SLC4A4: variants seen among roughly 807,000 people sequenced by gnomAD.
SLC4A4 encodes the protein solute carrier family 4 member 4.
In SLC4A4, 27 loss-of-function variants were observed where a neutral mutation model predicts 111.5. The observed-to-expected ratio is 0.24, with a 90% CI of 0.18 to 0.33. The LOEUF is 0.33. SLC4A4 is among the 10% of genes least tolerant of loss of function. The pLI, the probability that SLC4A4 is intolerant of heterozygous loss-of-function variation, is 1.00. For missense variants in SLC4A4, 909 were observed against 1,315.5 expected (o/e 0.69, Z 4.78); for synonymous variants, 443 against 463.4 (o/e 0.96, Z 0.57).
At chr4:71,182,295 A>C (rs538475058), upstream of SLC4A4, among the ~76,000 whole-genome samples, 1 of 152,328 alleles carries the variant, frequency 6.6e-6, no homozygotes, top group South Asian at 2.1e-4. Flanking sequence ...TTCCCTAAGC[A>C]GAGGGGAAAA....
At chr4:71,470,228 A>T (rs1480307015) in intron 13 of SLC4A4, among the ~76,000 whole-genome samples, 1 of 152,018 alleles carries the variant, frequency 6.6e-6, no homozygotes, top group African/African-American at 2.4e-5. Flanking sequence ...AGGCATGCAT[A>T]GGATGAAAAC....
chr4:71,200,459 C>T (rs1222487838), intron 1 of SLC4A4, among the ~76,000 whole-genome samples: 1 of 152,130 alleles, frequency 6.6e-6, no homozygotes, highest in Non-Finnish European at 1.5e-5. Flanking sequence ...TGTTGGTATT[C>T]ATTATATAAT....
At chr4:71,114,595 T>A (rs1578493195) in intron 2 of SLC4A4, among the ~76,000 whole-genome samples, 1 of 150,858 alleles carries the variant, frequency 6.6e-6, no homozygotes, top group East Asian at 1.9e-4. Context: ...ATGCTCACCA[T>A]CACTGGCCAT....
At chr4:71,281,288 G>A (rs772593509) in intron 3 of SLC4A4, among the ~76,000 whole-genome samples, 2 of 152,168 alleles carry the variant, frequency 1.3e-5, no homozygotes, top group Non-Finnish European at 2.9e-5. Flanking sequence ...TGGGGTCTGA[G>A]TCCAACTTTG....
At chr4:71,469,971 T>G (rs1015403048) in intron 13 of SLC4A4, among the ~76,000 whole-genome samples, 3 of 152,048 alleles carry the variant, frequency 2.0e-5, no homozygotes, top group Non-Finnish European at 4.4e-5. Context: ...CTGTAAACAT[T>G]AAATCTATAA....
chr4:71,327,972 C>T (rs915776262), intron 3 of SLC4A4, among the ~76,000 whole-genome samples: 1 of 151,996 alleles, frequency 6.6e-6, no homozygotes, highest in Non-Finnish European at 1.5e-5. Context: ...CCCCACCCCA[C>T]CTGCTCCCAC....
chr4:71,264,043 T>C (rs1578706228), intron 3 of SLC4A4, among the ~76,000 whole-genome samples: 1 of 152,276 alleles, frequency 6.6e-6, no homozygotes, highest in East Asian at 1.9e-4. Flanking sequence ...TTACTGAATG[T>C]GTCACTGAGG....
At chr4:71,261,453 C>T (rs116354118) in intron 3 of SLC4A4, among the ~76,000 whole-genome samples, 118 of 152,280 alleles carry the variant, frequency 7.7e-4, no homozygotes, top group Non-Finnish European at 1.6e-3. Flanking sequence ...GACAAGTCAG[C>T]AATTTGGAGG....
At chr4:71,565,136 C>T (rs4260508) in intron 24 of SLC4A4, among the ~76,000 whole-genome samples, 138,302 of 151,888 alleles carry the variant, frequency 0.91, 64,079 homozygotes, top group Non-Finnish European at 0.99. Context: ...GTTTAAATAC[C>T]CTCTACTTGG....
In SLC4A4 at chr4:71,082,108, G is replaced by A. The variant is rs1325045725; in HGVS notation, c.-64-10622G>A. Among the ~76,000 whole-genome samples, 6 of 152,118 alleles carry A rather than the reference G, an allele frequency of 3.9e-5. No homozygotes were observed. The East Asian group carries it at 1.2e-3, about 29-fold the overall frequency. ...CCTCCACTTAATTAGTTGTATATAT[G>A]TTAAACCTATTTTGGGTCAAGATTT... On this transcript the variant is annotated intron_variant, in intron 1 of 26. Transcript: ENST00000649996.
At chr4:71,539,248 A>C (rs1219740262) in intron 18 of SLC4A4, among the ~76,000 whole-genome samples, 1 of 152,112 alleles carries the variant, frequency 6.6e-6, no homozygotes, top group Admixed American at 6.6e-5. Flanking sequence ...TAGCCATAAT[A>C]ACCAATCTTC....
chr4:71,445,444 T>C (rs1375609646), intron 8 of SLC4A4, among the ~76,000 whole-genome samples: 2 of 152,134 alleles, frequency 1.3e-5, no homozygotes, highest in Non-Finnish European at 2.9e-5. Flanking sequence ...ATAATCATGA[T>C]GGAGGTGCTA....
intron 23 of SLC4A4, 114 bp downstream of exon 23, chr4:71,560,368 G>C (rs1192553905): frequency 8.3e-7 from 1 of 1,200,528 alleles, no homozygotes; most frequent in Non-Finnish European, 1.2e-6. Flanking sequence ...TGTTTATCTG[G>C]ACATGTGGTG....
chr4:71,273,568 A>G (rs1722850153), intron 3 of SLC4A4, among the ~76,000 whole-genome samples: 1 of 152,172 alleles, frequency 6.6e-6, no homozygotes, highest in South Asian at 2.1e-4. Flanking sequence ...TGTTCTTGAT[A>G]CGTTTCCTCA....
chr4:71,182,110 T>C (rs1033966401), intron 2 of SLC4A4, among the ~76,000 whole-genome samples: 3 of 152,210 alleles, frequency 2.0e-5, no homozygotes, highest in Admixed American at 2.0e-4. Context: ...TTTCTTGTTC[T>C]AGGAATCCAT....
intron 2 of SLC4A4, among the ~76,000 whole-genome samples, chr4:71,237,806 C>T (rs1250147212): frequency 6.6e-6 from 1 of 152,158 alleles, no homozygotes; most frequent in African/African-American, 2.4e-5. Context: ...CCTCAACTTC[C>T]CGCATTTATG....
At chr4:71,142,742 G>A (rs750854281) in intron 2 of SLC4A4, among the ~76,000 whole-genome samples, 56 of 146,382 alleles carry the variant, frequency 3.8e-4, no homozygotes, top group Non-Finnish European at 7.3e-4. Flanking sequence ...CCATTCCAAA[G>A]GCACAAACTT....
intron 16 of SLC4A4, among the ~76,000 whole-genome samples, chr4:71,519,737 C>T (rs1732758961): frequency 6.6e-6 from 1 of 152,130 alleles, no homozygotes; most frequent in Non-Finnish European, 1.5e-5. Context: ...TGGGTTCAAG[C>T]AATTCTCCTG....
chr4:71,448,319 CAAAAAAAAAAA>C (rs5859260), intron 9 of SLC4A4, among the ~76,000 whole-genome samples: 1 of 89,634 alleles, frequency 1.1e-5, no homozygotes, highest in African/African-American at 4.0e-5. Flanking sequence ...GATTCCATCT[CAAAAAAAAAAA>C]AAAAAAAAGG....
Sources: allele counts gnomAD v4.1 joint callset (sites outside exome capture counted in the v4.1 genomes callset), GRCh38; gene constraint gnomAD v4.1.1; transcripts MANE v1.5; gene names NCBI Gene and HGNC (gene_info 2026-07-23, HGNC 2026-07-21).